Variants in FGF12 observed in about 807,000 individuals in gnomAD.
The protein encoded by FGF12 is fibroblast growth factor 12B.
FGF12 carries 14 observed loss-of-function variants against 23.6 expected under a neutral mutation model. That is an observed-to-expected ratio of 0.59 (90% CI 0.39 to 0.93). FGF12 has a LOEUF of 0.93. Among genes scored for constraint, FGF12 ranks in the 40% least tolerant of loss-of-function variants. The pLI, the probability that FGF12 is intolerant of heterozygous loss-of-function variation, is 0.00. For missense variants in FGF12, 175 were observed against 217.8 expected (o/e 0.80, Z 1.24); for synonymous variants, 62 against 77.3 (o/e 0.80, Z 1.04).
intron 4 of FGF12, among the ~76,000 whole-genome samples, chr3:192,228,168 G>A (rs919242691): frequency 1.3e-5 from 2 of 151,704 alleles, no homozygotes; most frequent in Admixed American, 1.3e-4. Context: ...AAAAAAAAAA[G>A]TATATGGGTA....
rs1717061895 is a variant in FGF12 at position 192,670,280 on chromosome 3, A to G, written c.13+56901T>C. Among the ~76,000 whole-genome samples the G allele has an allele frequency of 2.0e-5, 3 of 152,296 alleles. No individual in the cohort carries two copies. In the South Asian group the frequency reaches 6.2e-4, roughly 32 times the overall value. On this transcript the variant is annotated intron_variant, in intron 2 of 5. Transcript: ENST00000445105. ...AATATAGTTATTTTAATAAAAATAT[A>G]TTGCTTATAGTAGCATGTAATAATT...
At chr3:192,454,628 CA>C (rs1258082852) in intron 2 of FGF12, among the ~76,000 whole-genome samples, 1 of 152,172 alleles carries the variant, frequency 6.6e-6, no homozygotes, top group African/African-American at 2.4e-5. Flanking sequence ...AGAAACACAG[CA>C]AGGTGTCAAA....
chr3:192,718,161 C>CTTTTTTGTTTTTTTTTTTTTT (rs1718920460), intron 2 of FGF12, among the ~76,000 whole-genome samples: 1 of 77,970 alleles, frequency 1.3e-5, no homozygotes, highest in African/African-American at 4.9e-5. Context: ...GTTAGTCTTT[C>CTTTTTTGTTTTTTTTTTTTTT]TTTTTTTTTT....
In FGF12 at chr3:192,514,549, C is replaced by T. The variant is rs1232625802; in HGVS notation, c.14-154011G>A. 4.0e-5 allele frequency: 14 copies of T among 351,450 alleles called. No individual in the cohort carries two copies. Among genetic ancestry groups the T allele is most frequent in the Non-Finnish European group, 5.6e-5 (14 of 250,360 alleles). The allele number at this position is 351,450 out of a possible 1,614,324, so 21.8% of individuals were successfully genotyped here. ...TGACCTCGCCCCAGTCGGGAAACGC[C>T]TTCCCTCCGCCACAGGCAGCGCTGA... On this transcript the variant is annotated intron_variant, in intron 2 of 5. Transcript: ENST00000445105. This position sits in a 1 kb window ranked among gnomAD's most constrained non-coding sequence, Gnocchi z 4.9.
rs1172576280 is a variant in FGF12, at chr3:192,336,153, A to G, written c.125-689T>C. 6.6e-6 allele frequency among the ~76,000 whole-genome samples: 1 copy of G among 151,180 alleles called. No homozygotes were observed. ...CACACACACATATACACACATATAT[A>G]CATACTATATATATACAAATATATA... is the stretch of plus-strand genomic sequence containing the variant. On this transcript the variant is annotated intron_variant, in intron 3 of 5. Transcript: ENST00000445105. The surrounding 1 kb of genome is among the most constrained non-coding windows in gnomAD (Gnocchi z 4.3).
chr3:192,239,562 G>A (rs1719489013), intron 4 of FGF12, among the ~76,000 whole-genome samples: 1 of 152,186 alleles, frequency 6.6e-6, no homozygotes, highest in South Asian at 2.1e-4. Flanking sequence ...CACAGCAAGA[G>A]GTGAGCAGCG....
chr3:192,364,926 T>C (rs1249409517), intron 2 of FGF12, among the ~76,000 whole-genome samples: 17 of 152,158 alleles, frequency 1.1e-4, no homozygotes, highest in Admixed American at 1.1e-3. Context: ...ATATCATCAA[T>C]TATAAAACAT....
In FGF12 at chr3:192,146,270, A is replaced by ATTTTTTT. The variant is rs879200159; in HGVS notation, c.428-2144_428-2143insAAAAAAA. On this transcript the variant is annotated intron_variant, in intron 5 of 5. Transcript: ENST00000445105. ...AATTTTCTAATTTTCATTAAAGTGT[A>ATTTTTTT]TATTTTTTTTTTTTTTTTGAGACGG... Among the ~76,000 whole-genome samples, 11 of 92,162 alleles carry ATTTTTTT rather than the reference A, an allele frequency of 1.2e-4. 2 individuals carry two copies. The highest frequency in any genetic ancestry group is 1.4e-4 in the African/African-American group (4 of 28,900). The allele number at this position is 92,162 out of a possible 152,430, so 60.5% of individuals were successfully genotyped here. A position where few individuals can be genotyped will look rare whatever the true frequency, so the allele number is the denominator to read the frequency against.
chr3:192,696,914 A>C (rs1718143111), intron 2 of FGF12, among the ~76,000 whole-genome samples: 1 of 151,814 alleles, frequency 6.6e-6, no homozygotes, highest in Non-Finnish European at 1.5e-5. Flanking sequence ...ACTGTAATGC[A>C]TTTTTTTTAA....
chr3:192,335,499 T>G (rs777057591), intron 3 of FGF12, 35 bp from the exon 4 acceptor site: 2 of 1,259,884 alleles, frequency 1.6e-6, no homozygotes, highest in Non-Finnish European at 2.3e-6. Flanking sequence ...AAAGGATCAG[T>G]GACCTTTTGA....
chr3:192,557,357 A>G (rs1185445046), intron 2 of FGF12, among the ~76,000 whole-genome samples: 1 of 151,746 alleles, frequency 6.6e-6, no homozygotes, highest in Non-Finnish European at 1.5e-5. Flanking sequence ...AGGTGACATT[A>G]CAACTCATGC....
chr3:192,626,228 A>G (rs1014017814), intron 2 of FGF12, among the ~76,000 whole-genome samples: 7 of 152,228 alleles, frequency 4.6e-5, no homozygotes, highest in Non-Finnish European at 7.3e-5. Flanking sequence ...TTTTGAAATA[A>G]TTAGCATATG....
intron 2 of FGF12, among the ~76,000 whole-genome samples, chr3:192,564,216 A>C (rs1041414243): frequency 1.7e-4 from 26 of 152,126 alleles, no homozygotes; most frequent in African/African-American, 7.2e-5. Flanking sequence ...GGCGCCCGCC[A>C]CCATGCCCGG....
In FGF12 at chr3:192,421,819, T is replaced by TAA. The variant is rs74360183; in HGVS notation, c.14-61283_14-61282dup. 1.3e-3 allele frequency among the ~76,000 whole-genome samples: 191 copies of TAA among 145,072 alleles called. 1 individual carries two copies. Among genetic ancestry groups the TAA allele is most frequent in the African/African-American group, 4.7e-3 (189 of 39,850 alleles). ...ATGTACCCCAGAACTTAAAGTATAA[T>TAA]AAAAAAAAAAAGAGTAAATGACTCA... On this transcript the variant is annotated intron_variant, in intron 2 of 5. Transcript: ENST00000445105.
At chr3:192,233,879 T>A (rs1386698392) in intron 4 of FGF12, among the ~76,000 whole-genome samples, 2 of 152,130 alleles carry the variant, frequency 1.3e-5, no homozygotes, top group Non-Finnish European at 2.9e-5. Flanking sequence ...ATTTCCGGGT[T>A]ATCTAATATT....
intron 4 of FGF12, among the ~76,000 whole-genome samples, chr3:192,204,304 GA>G: frequency 6.6e-6 from 1 of 152,272 alleles, no homozygotes; most frequent in Admixed American, 6.5e-5. Flanking sequence ...TCTAATGATG[GA>G]AATGGTATAC....
At chr3:192,460,337 G>A (rs1722823086) in intron 2 of FGF12, among the ~76,000 whole-genome samples, 1 of 152,168 alleles carries the variant, frequency 6.6e-6, no homozygotes, top group South Asian at 2.1e-4. Flanking sequence ...TAGGAAGAGG[G>A]AGTTTTTTCT....
chr3:192,400,029 G>C (rs1720692187), intron 2 of FGF12, among the ~76,000 whole-genome samples: 1 of 152,176 alleles, frequency 6.6e-6, no homozygotes, highest in African/African-American at 2.4e-5. Context: ...GCATAGCATG[G>C]TTGTACTATG....
At chr3:192,490,471 GTGTGTATGTATACA>G (rs1234848595) in intron 2 of FGF12, among the ~76,000 whole-genome samples, 1 of 151,676 alleles carries the variant, frequency 6.6e-6, no homozygotes, top group East Asian at 1.9e-4. Flanking sequence ...AAACATATAA[GTGTGTATGTATACA>G]TGTGTATGTA....
Sources: allele counts gnomAD v4.1 joint callset (sites outside exome capture counted in the v4.1 genomes callset), GRCh38; gene constraint gnomAD v4.1.1; non-coding constraint Gnocchi (gnomAD v3.1); transcripts MANE v1.5; gene names NCBI Gene and HGNC (gene_info 2026-07-23, HGNC 2026-07-21).